Variants in ANKRD34C observed in about 807,000 individuals in gnomAD.
ANKRD34C encodes the protein ankyrin repeat domain-containing protein 34C.
For missense variants in ANKRD34C, 563 were observed against 653.0 expected (o/e 0.86, Z 1.50); for synonymous variants, 260 against 253.6 (o/e 1.03, Z -0.24).
At chr15:79,285,675 A>T (rs1394857963) in intron 1 of ANKRD34C, among the ~76,000 whole-genome samples, 1 of 152,232 alleles carries the variant, frequency 6.6e-6, no homozygotes, top group Non-Finnish European at 1.5e-5. Flanking sequence ...GAATCGGGCC[A>T]ATTGTAAGAC....
chr15:79,295,617 C>G lies in ANKRD34C; in HGVS notation c.*725C>G, dbSNP rs576281571. On this transcript the variant is annotated 3_prime_UTR_variant, in exon 2 of 2. Coordinates refer to ENST00000421388, the MANE Select transcript of ANKRD34C (RefSeq NM_001146341.2). ...CCAGAAATGAAACTTTCCCCAGACCCGTCCCCTGACACAGGCTCTTGTATT... is the reference window on the plus strand; with the variant it reads ...CCAGAAATGAAACTTTCCCCAGACCGGTCCCCTGACACAGGCTCTTGTATT... The G allele has an allele frequency of 6.0e-6, 1 of 167,088 alleles. No homozygotes were observed. Among genetic ancestry groups the G allele is most frequent in the Non-Finnish European group, 1.5e-5 (1 of 68,120 alleles). The allele number at this position is 167,088 out of a possible 1,614,324, so 10.4% of individuals were successfully genotyped here.
rs376497006 is a variant in ANKRD34C, at chr15:79,293,061, C to T, written c.-44-180C>T. The stretch of plus-strand genomic sequence containing the variant: ...AGGTAGGTTACTACTATCACCCCCC[C>T]TGCGTCATGACACACTATTACAGAT... On this transcript the variant is annotated intron_variant, in intron 1 of 1. Coordinates refer to ENST00000421388, the MANE Select transcript of ANKRD34C (RefSeq NM_001146341.2). 1.6e-3 allele frequency among the ~76,000 whole-genome samples: 241 copies of T among 152,326 alleles called. 2 individuals carry two copies. The highest frequency in any genetic ancestry group is 0.014 in the Middle Eastern group (4 of 294).
rs1253748646 is a variant in ANKRD34C at position 79,297,218 on chromosome 15, T to C, written c.*2326T>C. On this transcript the variant is annotated 3_prime_UTR_variant, in exon 2 of 2. Transcript: ENST00000421388. Reference sequence around the variant, plus strand: ...TTCCAATGCATTCAAGAGAGAATCATACGGACAACCATCATTCTCAGCAGC... The same window carrying C: ...TTCCAATGCATTCAAGAGAGAATCACACGGACAACCATCATTCTCAGCAGC... The C allele has an allele frequency of 6.0e-6, 1 of 167,032 alleles. No individual in the cohort carries two copies. The highest frequency in any genetic ancestry group is 1.5e-5 in the Non-Finnish European group (1 of 68,126). 10.3% of individuals were successfully genotyped at this position (167,032 alleles called of 1,614,324 possible). A position where few individuals can be genotyped will look rare whatever the true frequency, so the allele number is the denominator to read the frequency against.
intron 1 of ANKRD34C, among the ~76,000 whole-genome samples, chr15:79,287,242 G>A (rs963138217): frequency 9.9e-5 from 15 of 152,184 alleles, no homozygotes; most frequent in Admixed American, 8.5e-4. Context: ...ATATTGCCTG[G>A]GTGATTTGAG....
Position 79,294,523 on chromosome 15 carries a change from G to T in ANKRD34C, c.1239G>T (p.Leu413Phe), listed in dbSNP as rs55824566. ...GAAAGAAGCTCAACAGCTCTCACTT[G>T]TCTCTTTTCCATGGCTCTCGGGAGT... ...LDRKKLNSSH[L>F]SLFHGSRESL... Residue 413 changes from leucine to phenylalanine, a missense_variant, in exon 2 of 2, where the codon TTG becomes TTT. Leu to Phe is a conservative substitution (Grantham distance 22). Transcript: ENST00000421388. 2 of 1,551,636 alleles carry T rather than the reference G, an allele frequency of 1.3e-6. No homozygotes were observed. The highest frequency in any genetic ancestry group is 1.4e-5 in the African/African-American group (1 of 73,120).
Position 79,293,693 on chromosome 15 carries a change from C to A in ANKRD34C, c.409C>A (p.His137Asn). The A allele has an allele frequency of 1.9e-6, 3 of 1,551,596 alleles. No homozygotes were observed. The highest frequency in any genetic ancestry group is 2.6e-6 in the Non-Finnish European group (3 of 1,146,948). Reference protein sequence around the residue: ...INADDKDALKHLLDACKAKGK... With the variant: ...INADDKDALKNLLDACKAKGK... ...TGCAGATGACAAGGATGCATTGAAG[C>A]ATCTCCTTGATGCCTGCAAAGCCAA... Residue 137 changes from histidine to asparagine, a missense_variant, in exon 2 of 2, where the codon CAT (histidine) becomes AAT (asparagine). Physicochemically the swap from His to Asn is moderately conservative, Grantham distance 68 (BLOSUM62 1). Coordinates refer to ENST00000421388, the MANE Select transcript of ANKRD34C (RefSeq NM_001146341.2).
chr15:79,290,400 T>C (rs2058656194), intron 1 of ANKRD34C, among the ~76,000 whole-genome samples: 1 of 152,156 alleles, frequency 6.6e-6, no homozygotes, highest in Non-Finnish European at 1.5e-5. Flanking sequence ...GGTACACATA[T>C]TAGTTTATTC....
chr15:79,283,402 T>C (rs1303211518), intron 1 of ANKRD34C, among the ~76,000 whole-genome samples, 174 bp downstream of exon 1: 1 of 152,156 alleles, frequency 6.6e-6, no homozygotes, highest in African/African-American at 2.4e-5. Context: ...TAACATTTTT[T>C]ATTTTTGCAT....
chr15:79,289,829 T>C (rs765340434), intron 1 of ANKRD34C, among the ~76,000 whole-genome samples: 72 of 152,206 alleles, frequency 4.7e-4, no homozygotes, highest in Admixed American at 2.6e-3. Flanking sequence ...ACGAGACTGA[T>C]ACTCAAAGAA....
In ANKRD34C at chr15:79,294,665, G is replaced by C. The variant is rs1229518583; in HGVS notation, c.1381G>C (p.Gly461Arg). 3 of 1,551,648 alleles carry C rather than the reference G, an allele frequency of 1.9e-6. No homozygotes were observed. Among genetic ancestry groups the C allele is most frequent in the Non-Finnish European group, 2.6e-6 (3 of 1,146,988 alleles). Residue 461 changes from glycine (G) to arginine (R), a missense_variant, in exon 2 of 2, where the codon GGC (glycine) becomes CGC (arginine). By Grantham distance (125) the Gly-to-Arg change is moderately radical. Coordinates refer to ENST00000421388, the MANE Select transcript of ANKRD34C (RefSeq NM_001146341.2). The stretch of plus-strand genomic sequence containing the variant: ...TGATCGCATTTCTCACACTAGGCCT[G>C]GCTTCCTGCCGCCTTTAAATGTGAA... ...LLDRISHTRP[G>R]FLPPLNVNLN...
chr15:79,287,087 C>G (rs530631665), intron 1 of ANKRD34C, among the ~76,000 whole-genome samples: 10 of 152,286 alleles, frequency 6.6e-5, no homozygotes, highest in Non-Finnish European at 1.3e-4. Flanking sequence ...CCCCGAGTCC[C>G]TCCTGGCACT....
chr15:79,293,673 A>G lies in ANKRD34C; in HGVS notation c.389A>G (p.Asp130Gly), dbSNP rs1162636122. The G allele has an allele frequency of 1.3e-6, 2 of 1,551,698 alleles. No homozygotes were observed. ...GCTCTGGTTTATGCAATAAATGCAG[A>G]TGACAAGGATGCATTGAAGCATCTC... is the stretch of plus-strand genomic sequence containing the variant. The part of the protein sequence containing the change: ...ASALVYAINA[D>G]DKDALKHLLD... Residue 130 changes from aspartate to glycine, a missense_variant, in exon 2 of 2, where the codon GAT becomes GGT. Coordinates refer to ENST00000421388, the MANE Select transcript of ANKRD34C (RefSeq NM_001146341.2).
chr15:79,289,150 C>T (rs758993602), intron 1 of ANKRD34C, among the ~76,000 whole-genome samples: 23 of 152,214 alleles, frequency 1.5e-4, no homozygotes, highest in African/African-American at 4.6e-4. Flanking sequence ...GAAAAGTGTA[C>T]GATTATTGCA....
In ANKRD34C at chr15:79,295,848, T is replaced by C. The variant is rs760194860; in HGVS notation, c.*956T>C. On this transcript the variant is annotated 3_prime_UTR_variant, in exon 2 of 2. Coordinates refer to ENST00000421388, the MANE Select transcript of ANKRD34C (RefSeq NM_001146341.2). ...GGTGAGAAGCAGTGAGGACCATTCA[T>C]TTTGCAGCCTAAAAATTTTAGGGGA... The C allele has an allele frequency of 4.2e-5, 7 of 167,008 alleles. No homozygotes were observed. Among genetic ancestry groups the C allele is most frequent in the Admixed American group, 3.3e-4 (5 of 15,288 alleles). 10.3% of individuals were successfully genotyped at this position (167,008 alleles called of 1,614,324 possible).
Position 79,293,239 on chromosome 15 carries a change from A to T in ANKRD34C, c.-44-2A>T. 6.9e-7 allele frequency: 1 copy of T among 1,453,390 alleles called. No individual in the cohort carries two copies. The highest frequency in any genetic ancestry group is 9.1e-7 in the Non-Finnish European group (1 of 1,095,746). The allele number at this position is 1,453,390 out of a possible 1,614,324, so 90.0% of individuals were successfully genotyped here. ...ATTTGTTCCCTCTTCTTCCTTTGCT[A>T]GGTTTGATTGCTACTGTGGCTCAGG... On this transcript the variant is annotated splice_acceptor_variant, in intron 1 of 1. Coordinates refer to ENST00000421388, the MANE Select transcript of ANKRD34C (RefSeq NM_001146341.2). LOFTEE classifies it low-confidence loss of function (5UTR_SPLICE).
intron 1 of ANKRD34C, among the ~76,000 whole-genome samples, chr15:79,288,993 G>C (rs2058652941): frequency 6.6e-6 from 1 of 151,776 alleles, no homozygotes; most frequent in Non-Finnish European, 1.5e-5. Context: ...GCTAATTTTT[G>C]TATTTTTAGT....
At chr15:79,289,746 A>G (rs1175614342) in intron 1 of ANKRD34C, among the ~76,000 whole-genome samples, 1 of 152,042 alleles carries the variant, frequency 6.6e-6, no homozygotes, top group Admixed American at 6.5e-5. Context: ...CACACAGCTG[A>G]GAAGGGAGCA....
At chr15:79,285,963 T>G (rs2058643347) in intron 1 of ANKRD34C, among the ~76,000 whole-genome samples, 1 of 152,164 alleles carries the variant, frequency 6.6e-6, no homozygotes, top group Admixed American at 6.6e-5. Flanking sequence ...ATGGCTCCTC[T>G]CAGCTTAAAA....
chr15:79,289,126 C>T (rs745709668), intron 1 of ANKRD34C, among the ~76,000 whole-genome samples: 9 of 152,096 alleles, frequency 5.9e-5, no homozygotes, highest in East Asian at 3.9e-4. Context: ...GGACAAGCCC[C>T]GTATTCTTAA....
Sources: gnomAD v4.1 joint callset for allele counts (sites outside exome capture counted in the v4.1 genomes callset) on GRCh38, gnomAD v4.1.1 for gene constraint, MANE v1.5 for transcripts, NCBI Gene and HGNC (gene_info 2026-07-23, HGNC 2026-07-21) for gene names.